The following SLC35F3 variants were observed in gnomAD, a reference collection of about 807,000 sequenced individuals.
SLC35F3 encodes putative thiamine transporter SLC35F3.
In SLC35F3, 25 loss-of-function variants were observed where a neutral mutation model predicts 49.9. The ratio of observed to expected loss-of-function variants is 0.50; its 90% CI spans 0.37 to 0.70. The LOEUF (loss-of-function observed/expected upper bound fraction) is 0.70, where lower values mean the gene tolerates loss of function less well. SLC35F3 is among the 30% of genes least tolerant of loss of function. The pLI is 0.00. For missense variants in SLC35F3, 525 were observed against 639.8 expected, an observed-to-expected ratio of 0.82 and a Z score of 1.94; for synonymous variants, 275 against 265.4, an observed-to-expected ratio of 1.04 and a Z score of -0.35.
At chr1:233,993,167 A>G (rs1206413864) in intron 2 of SLC35F3, among the ~76,000 whole-genome samples, 1 of 152,148 alleles carries the variant, frequency 6.6e-6, no homozygotes, top group African/African-American at 2.4e-5. Flanking sequence ...GGGTTTCACC[A>G]TGTTAGCCAG....
At chr1:234,237,534 C>T (rs1314577834) in intron 3 of SLC35F3, among the ~76,000 whole-genome samples, 1 of 152,184 alleles carries the variant, frequency 6.6e-6, no homozygotes, top group Non-Finnish European at 1.5e-5. Context: ...CCAGCATCTC[C>T]CTGCCTTCCT....
At position 234,021,877 on chromosome 1, in the gene SLC35F3, G is replaced by A. The variant is rs115666189; in HGVS notation, c.283+116119G>A. On this transcript the variant is annotated intron_variant, in intron 2 of 7. Transcript: ENST00000366618. ...TTTTCAAAGGATGGAGCAGTGACAC[G>A]TACTGTGACTAGCCTGAGATTTGTA... Among the ~76,000 whole-genome samples, 453 of 152,082 alleles carry A rather than the reference G, an allele frequency of 3.0e-3. 3 individuals carry two copies. Among genetic ancestry groups the A allele is most frequent in the African/African-American group, 0.01 (435 of 41,456 alleles).
chr1:233,956,037 G>A (rs975338813), intron 2 of SLC35F3, among the ~76,000 whole-genome samples: 6 of 151,652 alleles, frequency 4.0e-5, no homozygotes, highest in South Asian at 2.1e-4. Flanking sequence ...ATAGGCATGC[G>A]CCACCACGCC....
rs1473463429 is a variant in SLC35F3 at position 234,231,050 on chromosome 1, T to C, written c.284-367T>C. Among the ~76,000 whole-genome samples the C allele has an allele frequency of 2.0e-5, 3 of 152,192 alleles. No homozygotes were observed. The highest frequency in any genetic ancestry group is 4.4e-5 in the Non-Finnish European group (3 of 68,020). ...GGAGATATTTCAGCTGCTCTGTGTG[T>C]TCTGGAGGAGTGTTTCCCAAAGCAC... On this transcript the variant is annotated intron_variant, in intron 2 of 7. Coordinates refer to ENST00000366618, the MANE Select transcript of SLC35F3 (RefSeq NM_173508.4). The surrounding 1 kb of genome is among the most constrained non-coding windows in gnomAD (Gnocchi z 5.4).
At chr1:234,132,356 A>G (rs188086217) in intron 2 of SLC35F3, among the ~76,000 whole-genome samples, 9 of 152,360 alleles carry the variant, frequency 5.9e-5, no homozygotes, top group Admixed American at 3.9e-4. Context: ...AATGTACAAT[A>G]AGCACTAGTA....
intron 2 of SLC35F3, among the ~76,000 whole-genome samples, chr1:233,972,186 A>C (rs1021890595): frequency 6.6e-6 from 1 of 152,238 alleles, no homozygotes; most frequent in Admixed American, 6.5e-5. Context: ...GTTTAAGCCC[A>C]TGAGCTTTGG....
At chr1:234,257,448 G>C (rs1438802064) in intron 3 of SLC35F3, among the ~76,000 whole-genome samples, 1 of 152,100 alleles carries the variant, frequency 6.6e-6, no homozygotes, top group Non-Finnish European at 1.5e-5. Context: ...ATTTGATTTT[G>C]TCTTTTTAAG....
chr1:233,948,306 A>C (rs1276746375), intron 2 of SLC35F3, among the ~76,000 whole-genome samples: 1 of 151,236 alleles, frequency 6.6e-6, no homozygotes, highest in Non-Finnish European at 1.5e-5. Flanking sequence ...GAGAGCCAAA[A>C]AAAGAGAAGT....
intron 2 of SLC35F3, among the ~76,000 whole-genome samples, chr1:233,979,134 G>T (rs1309676847): frequency 6.6e-6 from 1 of 151,880 alleles, no homozygotes; most frequent in Non-Finnish European, 1.5e-5. Flanking sequence ...TCAGGGCCAG[G>T]CCAGTCCACA....
chr1:234,129,042 G>A (rs376847529), intron 2 of SLC35F3, among the ~76,000 whole-genome samples: 3 of 152,336 alleles, frequency 2.0e-5, no homozygotes, highest in African/African-American at 7.2e-5. Context: ...TTGATTTGTC[G>A]CAGTTGAACA....
chr1:234,082,540 C>T (rs1171891121), intron 2 of SLC35F3, among the ~76,000 whole-genome samples: 1 of 152,082 alleles, frequency 6.6e-6, no homozygotes, highest in Non-Finnish European at 1.5e-5. Flanking sequence ...TAACTGGAGT[C>T]CTCTTGTAAA....
At chr1:234,002,545 C>T (rs1330224668) in intron 2 of SLC35F3, among the ~76,000 whole-genome samples, 2 of 152,050 alleles carry the variant, frequency 1.3e-5, no homozygotes, top group African/African-American at 4.8e-5. Context: ...GGAGAAAGAC[C>T]TCAAAGGCCA....
Position 234,085,505 on chromosome 1 carries a change from G to A in SLC35F3, c.284-145912G>A, listed in dbSNP as rs1365386036. On this transcript the variant is annotated intron_variant, in intron 2 of 7. Coordinates refer to ENST00000366618, the MANE Select transcript of SLC35F3 (RefSeq NM_173508.4). ...ATTTCCCTCTGTCTGAATGGATTGG[G>A]ATGTTATTATTTTGGCTTGCATTTG... Among the ~76,000 whole-genome samples the A allele has an allele frequency of 3.3e-5, 5 of 152,266 alleles. No homozygotes were observed. The South Asian group carries it at 8.3e-4, about 25-fold the overall frequency.
At position 234,110,771 on chromosome 1, in the gene SLC35F3, G is replaced by GATT. The variant is rs1397785990; in HGVS notation, c.284-120645_284-120644insTTA. ...TAGCCAGATAGATCTTATACCCTCA[G>GATT]ACACAATAATTCACTTCTAGCAACT... On this transcript the variant is annotated intron_variant, in intron 2 of 7. Coordinates refer to ENST00000366618, the MANE Select transcript of SLC35F3 (RefSeq NM_173508.4). Among the ~76,000 whole-genome samples the GATT allele has an allele frequency of 2.6e-5, 4 of 152,188 alleles. No individual in the cohort carries two copies. In the East Asian group the frequency reaches 7.7e-4, roughly 29 times the overall value.
At chr1:234,268,079 G>C (rs1668026771) in intron 3 of SLC35F3, among the ~76,000 whole-genome samples, 1 of 151,940 alleles carries the variant, frequency 6.6e-6, no homozygotes, top group African/African-American at 2.4e-5. Context: ...CTGCAATCTC[G>C]GCTCTTTGGG....
At chr1:233,906,031 C>T (rs2102779135) in intron 2 of SLC35F3, among the ~76,000 whole-genome samples, 1 of 152,342 alleles carries the variant, frequency 6.6e-6, no homozygotes, top group South Asian at 2.1e-4. Context: ...ATACGGAGGA[C>T]ACTCCTATGT....
At chr1:234,149,120 G>A (rs1272102156) in intron 2 of SLC35F3, among the ~76,000 whole-genome samples, 1 of 152,194 alleles carries the variant, frequency 6.6e-6, no homozygotes, top group East Asian at 1.9e-4. Flanking sequence ...ATAAATGAAT[G>A]AAATCAATGA....
intron 2 of SLC35F3, among the ~76,000 whole-genome samples, chr1:234,032,453 T>G (rs185233294): frequency 1.3e-5 from 2 of 152,270 alleles, no homozygotes; most frequent in African/African-American, 4.8e-5. Flanking sequence ...TCTGTGATTT[T>G]GATGCACCCA....
At chr1:234,128,314 T>A (rs1665679539) in intron 2 of SLC35F3, among the ~76,000 whole-genome samples, 1 of 152,142 alleles carries the variant, frequency 6.6e-6, no homozygotes. Context: ...TGTCTCTGCA[T>A]CACCTGGCGA....
Sources: allele counts gnomAD v4.1 joint callset (sites outside exome capture counted in the v4.1 genomes callset), GRCh38; gene constraint gnomAD v4.1.1; non-coding constraint Gnocchi (gnomAD v3.1); transcripts MANE v1.5; gene names NCBI Gene and HGNC (gene_info 2026-07-23, HGNC 2026-07-21).